The following BDP1 variants were observed in gnomAD, a reference collection of about 807,000 sequenced individuals.
The protein encoded by BDP1 is transcription factor TFIIIB component B'' homolog.
BDP1 carries 169 observed loss-of-function variants against 266.6 expected under a neutral mutation model. The observed-to-expected ratio is 0.63, with a 90% CI of 0.56 to 0.72. BDP1 has a LOEUF of 0.72. BDP1 is among the 30% of genes least tolerant of loss of function. The probability of loss-of-function intolerance (pLI) is 0.00; values close to 1 mark genes in which losing one functional copy is unlikely to be tolerated. For missense variants in BDP1, 3,015 were observed against 3,053.8 expected (o/e 0.99, Z 0.30); for synonymous variants, 1,090 against 1,022.4 (o/e 1.07, Z -1.26).
intron 7 of BDP1, among the ~76,000 whole-genome samples, chr5:71,481,960 C>T (rs982298557): frequency 3.3e-5 from 5 of 152,028 alleles, no homozygotes; most frequent in Non-Finnish European, 5.9e-5. Context: ...TCTAGGGTAT[C>T]GTTTTTATCT....
rs878872988 is a variant in BDP1 at position 71,510,222 on chromosome 5, G to C, written c.3130G>C (p.Val1044Leu). The C allele has an allele frequency of 6.2e-7, 1 of 1,610,320 alleles. No homozygotes were observed. The highest frequency in any genetic ancestry group is 1.1e-5 in the South Asian group (1 of 90,882). ...AGATTTGGAAGAAACTGAAAGAGAAGTATCCCCACAGGAAAATGGACTAGA... is the reference window on the plus strand; with the variant it reads ...AGATTTGGAAGAAACTGAAAGAGAACTATCCCCACAGGAAAATGGACTAGA... ...EIDLEETERE[V>L]SPQENGLEEV... Residue 1044 changes from valine (V) to leucine (L), a missense_variant, in exon 17 of 39, where the codon GTA becomes CTA. Physicochemically the swap from Val to Leu is conservative, Grantham distance 32. Around this residue, in one of 3 missense-constraint regions of BDP1, gnomAD observed 2,383 missense variants for 2,404.9 expected, o/e 0.99. Coordinates refer to ENST00000358731, the MANE Select transcript of BDP1 (RefSeq NM_018429.3).
At chr5:71,492,601 A>G (rs1763658905) in intron 11 of BDP1, among the ~76,000 whole-genome samples, 1 of 151,884 alleles carries the variant, frequency 6.6e-6, no homozygotes, top group Admixed American at 6.6e-5. Flanking sequence ...CTTTTTTGCT[A>G]TTGAGTTTTG....
intron 33 of BDP1, 83 bp downstream of exon 33, chr5:71,548,828 A>G (rs1415290642): frequency 2.0e-6 from 2 of 1,019,834 alleles, no homozygotes; most frequent in Non-Finnish European, 3.0e-6. Flanking sequence ...AAAACATAAA[A>G]CAGTTGTATT....
chr5:71,508,976 G>A (rs566331433), intron 16 of BDP1, among the ~76,000 whole-genome samples: 2 of 152,212 alleles, frequency 1.3e-5, no homozygotes, highest in Non-Finnish European at 2.9e-5. Context: ...AAAAGGTGAG[G>A]AGGGCAGACC....
intron 9 of BDP1, 107 bp from the exon 10 acceptor site, chr5:71,489,297 G>T (rs1024296180): frequency 4.1e-6 from 3 of 726,892 alleles, no homozygotes; most frequent in Non-Finnish European, 6.4e-6. Flanking sequence ...TAGGTTTTTT[G>T]TTCATACAAA....
intron 7 of BDP1, among the ~76,000 whole-genome samples, chr5:71,478,254 A>T (rs558476973): frequency 6.2e-4 from 94 of 152,282 alleles, no homozygotes; most frequent in African/African-American, 2.0e-3. Flanking sequence ...TGTCTCAAAA[A>T]CAAAAACAAA....
intron 34 of BDP1, among the ~76,000 whole-genome samples, chr5:71,550,376 GAA>G (rs1362798455): frequency 6.8e-6 from 1 of 146,112 alleles, no homozygotes; most frequent in Non-Finnish European, 1.5e-5. Flanking sequence ...ATAGAGTGAG[GAA>G]AAAAAAAAAA....
rs1395599573 is a variant in BDP1, at chr5:71,455,719, AGGC to A, written c.-150_-148del. Reference sequence around the variant, plus strand: ...AGCGGCGGCGGCGGGAGAGAGGAGGAGGCGGCGGCGGGGCAGTGAAACTACGGT... The same window carrying A: ...AGCGGCGGCGGCGGGAGAGAGGAGGAGGCGGCGGGGCAGTGAAACTACGGT... On this transcript the variant is annotated 5_prime_UTR_variant, in exon 1 of 39. Coordinates refer to ENST00000358731, the MANE Select transcript of BDP1 (RefSeq NM_018429.3). 2 of 634,822 alleles carry A rather than the reference AGGC, an allele frequency of 3.2e-6. No individual in the cohort carries two copies. The highest frequency in any genetic ancestry group is 5.4e-6 in the Non-Finnish European group (2 of 367,474). The allele number at this position is 634,822 out of a possible 1,614,324, so 39.3% of individuals were successfully genotyped here. A position where few individuals can be genotyped will look rare whatever the true frequency, so the allele number is the denominator to read the frequency against.
In BDP1 at chr5:71,562,367, C is replaced by G. The variant is rs277941; in HGVS notation, c.7590C>G (p.Arg2530=). 2 of 1,613,348 alleles carry G rather than the reference C, an allele frequency of 1.2e-6. No homozygotes were observed. Among genetic ancestry groups the G allele is most frequent in the Non-Finnish European group, 8.5e-7 (1 of 1,179,652 alleles). The change falls in exon 38 of 39, where the codon CGC becomes CGG. Residue 2530 remains arginine, a synonymous_variant. Coordinates refer to ENST00000358731, the MANE Select transcript of BDP1 (RefSeq NM_018429.3). ...DEPMQVHSKK[R]LKPLIPGLRK... is the part of the protein sequence containing the mutation. ...CTATGCAAGTCCATAGTAAGAAACG[C>G]CTAAAACCTCTTATACCTGGATTAA...
chr5:71,497,219 T>C, intron 12 of BDP1, 51 bp from the exon 13 acceptor site: 1 of 1,521,822 alleles, frequency 6.6e-7, no homozygotes, highest in Non-Finnish European at 9.0e-7. Context: ...TAGAAGTTCA[T>C]TTGGACATGA....
intron 34 of BDP1, among the ~76,000 whole-genome samples, chr5:71,552,909 A>G (rs1742954766): frequency 6.6e-6 from 1 of 152,198 alleles, no homozygotes; most frequent in Non-Finnish European, 1.5e-5. Context: ...GCCCTGAAGT[A>G]TGAATGGAGC....
intron 34 of BDP1, among the ~76,000 whole-genome samples, chr5:71,552,758 G>A (rs1005058968): frequency 3.3e-5 from 5 of 152,250 alleles, no homozygotes; most frequent in African/African-American, 1.2e-4. Flanking sequence ...GCAGTGAGCC[G>A]AGATGGCAGC....
intron 7 of BDP1, among the ~76,000 whole-genome samples, chr5:71,473,361 G>A (rs1006417960): frequency 5.2e-5 from 7 of 133,978 alleles, no homozygotes; most frequent in East Asian, 4.8e-4. Context: ...TGCAAGCTCC[G>A]CCTCCTGGGT....
At position 71,502,801 on chromosome 5, in the gene BDP1, C is replaced by CT. The variant is rs772580897; in HGVS notation, c.2241+11dup. 3.1e-6 allele frequency: 5 copies of CT among 1,600,850 alleles called. No individual in the cohort carries two copies. The Admixed American group carries it at 7.0e-5, about 23-fold the overall frequency. On this transcript the variant is annotated intron_variant, in intron 15 of 38. Transcript: ENST00000358731. ...CTGTGCTGATAGAGATGTAAGTACT[C>CT]TGATTCCTCCTCACATTTTTGGTAA...
At chr5:71,491,781 G>A (rs905234391) in intron 11 of BDP1, among the ~76,000 whole-genome samples, 4 of 152,066 alleles carry the variant, frequency 2.6e-5, no homozygotes, top group Admixed American at 2.6e-4. Flanking sequence ...GCAGTGGCAC[G>A]ATCTCAGCTC....
At position 71,544,483 on chromosome 5, in the gene BDP1, C is replaced by A; in HGVS notation, c.6539C>A (p.Ser2180Tyr). ...CATGGTATCAAAGGGACCAGTATTT[C>A]TTCAGAAGTAAACCTAACTGAAAGG... ...CVHGIKGTSI[S>Y]SEVNLTERNE... is the part of the protein sequence containing the mutation. The change falls in exon 31 of 39, where the codon TCT (serine) becomes TAT (tyrosine). Residue 2180 changes from serine (S) to tyrosine (Y), a missense_variant. Physicochemically the swap from Ser to Tyr is moderately radical, Grantham distance 144 (BLOSUM62 -2). Coordinates refer to ENST00000358731, the MANE Select transcript of BDP1 (RefSeq NM_018429.3). 6.2e-7 allele frequency: 1 copy of A among 1,612,360 alleles called. No homozygotes were observed. Among genetic ancestry groups the A allele is most frequent in the Non-Finnish European group, 8.5e-7 (1 of 1,179,438 alleles).
chr5:71,559,297 A>G (rs1280141801), intron 36 of BDP1, among the ~76,000 whole-genome samples: 1 of 152,222 alleles, frequency 6.6e-6, no homozygotes, highest in African/African-American at 2.4e-5. Flanking sequence ...TCTGCTCTCC[A>G]ATAAAAGCAT....
At chr5:71,549,954 G>A (rs1226875651) in intron 34 of BDP1, among the ~76,000 whole-genome samples, 1 of 152,226 alleles carries the variant, frequency 6.6e-6, no homozygotes, top group East Asian at 1.9e-4. Flanking sequence ...ACAGAAAGTT[G>A]TGAAAATAGT....
chr5:71,459,979 A>C (rs1483642753), intron 2 of BDP1, among the ~76,000 whole-genome samples: 2 of 152,200 alleles, frequency 1.3e-5, no homozygotes, highest in African/African-American at 4.8e-5. Flanking sequence ...CCAAAATGTG[A>C]ATCATTTCTG....
Sources: gnomAD v4.1 joint callset for allele counts (sites outside exome capture counted in the v4.1 genomes callset) on GRCh38, gnomAD v4.1.1 for gene constraint, gnomAD v4.1.1 regional missense constraint, MANE v1.5 for transcripts, NCBI Gene and HGNC (gene_info 2026-07-23, HGNC 2026-07-21) for gene names.